The following ALK variants were observed in gnomAD, a reference collection of about 807,000 sequenced individuals.
ALK encodes the protein ALK receptor tyrosine kinase, also known as ALK tyrosine kinase receptor.
ALK carries 74 observed loss-of-function variants against 163.1 expected under a neutral mutation model. That is an observed-to-expected ratio of 0.45 (90% CI 0.38 to 0.55). ALK has a LOEUF of 0.55. ALK is among the 20% of genes least tolerant of loss of function. The probability of loss-of-function intolerance (pLI) is 0.00; values close to 1 mark genes in which losing one functional copy is unlikely to be tolerated. For missense variants in ALK, 2,063 were observed against 2,105.3 expected (o/e 0.98, Z 0.39); for synonymous variants, 960 against 843.2 (o/e 1.14, Z -2.40).
intron 1 of ALK, among the ~76,000 whole-genome samples, chr2:29,732,760 C>G (rs1423442558): frequency 1.3e-5 from 2 of 152,164 alleles, no homozygotes; most frequent in African/African-American, 4.8e-5. Flanking sequence ...TGTGAGGACA[C>G]AGCAAGAAGG....
chr2:29,732,584 A>G (rs934689879), intron 1 of ALK, among the ~76,000 whole-genome samples: 2 of 152,226 alleles, frequency 1.3e-5, no homozygotes, highest in African/African-American at 4.8e-5. Flanking sequence ...ACTGTGGACT[A>G]AATGTTTATG....
intron 9 of ALK, among the ~76,000 whole-genome samples, chr2:29,285,496 T>G (rs1469826440): frequency 6.6e-6 from 1 of 152,006 alleles, no homozygotes; most frequent in Admixed American, 6.6e-5. Flanking sequence ...TGGCCTCAAG[T>G]GTTCTGCCCA....
chr2:29,715,412 C>T (rs558949576), intron 2 of ALK, among the ~76,000 whole-genome samples: 43 of 152,302 alleles, frequency 2.8e-4, no homozygotes, highest in African/African-American at 8.9e-4. Context: ...ACCTCCAGAT[C>T]GATTCCTTTG....
rs140060735 is a variant in ALK, at chr2:29,510,323, TA to T, written c.1154+21591del. On this transcript the variant is annotated intron_variant, in intron 4 of 28. Coordinates refer to ENST00000389048, the MANE Select transcript of ALK (RefSeq NM_004304.5). ...GGCAGGTGTTTGCTATTTTAAATCA[TA>T]AAAATAATAGTTGAAGGAATTAATC... Among the ~76,000 whole-genome samples the T allele has an allele frequency of 2.3e-3, 348 of 152,292 alleles. 8 individuals carry two copies. In the East Asian group the frequency reaches 0.056, roughly 24 times the overall value.
intron 3 of ALK, among the ~76,000 whole-genome samples, chr2:29,567,329 A>C (rs540380344): frequency 6.6e-6 from 1 of 152,362 alleles, no homozygotes; most frequent in East Asian, 1.9e-4. Flanking sequence ...AGGCCCCAGA[A>C]ATACTGGCCT....
At chr2:29,598,369 G>A (rs955779093) in intron 3 of ALK, among the ~76,000 whole-genome samples, 2 of 143,414 alleles carry the variant, frequency 1.4e-5, no homozygotes, top group African/African-American at 5.5e-5. Flanking sequence ...TTTGTTTTTT[G>A]TTTGTTTGTT....
intron 1 of ALK, among the ~76,000 whole-genome samples, chr2:29,747,375 T>TA (rs1680231571): frequency 6.6e-6 from 1 of 152,160 alleles, no homozygotes; most frequent in South Asian, 2.1e-4. Flanking sequence ...TAGGAGACAT[T>TA]AAAAAATAAT....
chr2:29,705,008 A>G (rs1269120250), intron 2 of ALK, among the ~76,000 whole-genome samples: 1 of 151,734 alleles, frequency 6.6e-6, no homozygotes, highest in Non-Finnish European at 1.5e-5. Context: ...ACTTGAGGTC[A>G]GGAGTTCGAG....
chr2:29,401,481 T>C (rs554288027), intron 4 of ALK, among the ~76,000 whole-genome samples: 130 of 152,206 alleles, frequency 8.5e-4, no homozygotes, highest in Non-Finnish European at 1.5e-3. Context: ...TGCCTGTTCA[T>C]AGAATTGTAC....
At chr2:29,672,342 A>C in intron 3 of ALK, among the ~76,000 whole-genome samples, 1 of 146,488 alleles carries the variant, frequency 6.8e-6, no homozygotes, top group Admixed American at 6.9e-5. Context: ...CCACCCCACA[A>C]CAGTCCCCAG....
In ALK at chr2:29,328,260, G is replaced by A. The variant is rs77504863; in HGVS notation, c.1414+90C>T. 4.1e-4 allele frequency: 645 copies of A among 1,587,904 alleles called. 1 individual carries two copies. In the African/African-American group the frequency reaches 6.7e-3, roughly 16 times the overall value. ...AGTGTCAGTGGATATCAGGAAGGCT[G>A]TCCATGCTCTCATGCCTGGGATAAT... On this transcript the variant is annotated intron_variant, in intron 6 of 28. Transcript: ENST00000389048.
chr2:29,819,334 C>G (rs189593937), intron 1 of ALK, among the ~76,000 whole-genome samples: 1 of 152,228 alleles, frequency 6.6e-6, no homozygotes, highest in Admixed American at 6.5e-5. Context: ...GTTTGCTCTG[C>G]TGCTCAATTC....
intron 3 of ALK, among the ~76,000 whole-genome samples, chr2:29,558,544 C>T (rs78889222): frequency 6.6e-5 from 10 of 152,128 alleles, no homozygotes; most frequent in Non-Finnish European, 1.2e-4. Context: ...TTGCACACAC[C>T]CCTCCCTACC....
intron 5 of ALK, among the ~76,000 whole-genome samples, chr2:29,374,758 T>C (rs1051554878): frequency 1.3e-5 from 2 of 152,232 alleles, no homozygotes; most frequent in Non-Finnish European, 2.9e-5. Flanking sequence ...ATAATTTTCA[T>C]GCTTATCTTT....
At chr2:29,738,450 C>T (rs1444572350) in intron 1 of ALK, among the ~76,000 whole-genome samples, 1 of 152,034 alleles carries the variant, frequency 6.6e-6, no homozygotes, top group Non-Finnish European at 1.5e-5. Flanking sequence ...TGGGAAAATT[C>T]TGTAACTTAT....
chr2:29,409,134 C>T (rs1399602205), intron 4 of ALK, among the ~76,000 whole-genome samples: 1 of 152,148 alleles, frequency 6.6e-6, no homozygotes, highest in South Asian at 2.1e-4. Flanking sequence ...AATCTGATAA[C>T]GTGCAACCCA....
intron 4 of ALK, among the ~76,000 whole-genome samples, chr2:29,451,801 G>A (rs752868033): frequency 3.3e-5 from 5 of 152,034 alleles, no homozygotes; most frequent in South Asian, 2.1e-4. Flanking sequence ...TCAACTTTGC[G>A]TATCCCCTAG....
intron 1 of ALK, among the ~76,000 whole-genome samples, chr2:29,783,859 G>A (rs893865462): frequency 1.3e-5 from 2 of 152,110 alleles, no homozygotes; most frequent in African/African-American, 4.8e-5. Flanking sequence ...GGAGCAGGTG[G>A]CCTGAGCACC....
chr2:29,758,621 C>A (rs1235383304), intron 1 of ALK, among the ~76,000 whole-genome samples: 1 of 152,102 alleles, frequency 6.6e-6, no homozygotes, highest in African/African-American at 2.4e-5. Flanking sequence ...TCCTTGGCTC[C>A]CTCCTCGGCT....
Sources: gnomAD v4.1 joint callset for allele counts (sites outside exome capture counted in the v4.1 genomes callset) on GRCh38, gnomAD v4.1.1 for gene constraint, MANE v1.5 for transcripts, NCBI Gene and HGNC (gene_info 2026-07-23, HGNC 2026-07-21) for gene names.